The following HDAC4 variants were observed in gnomAD, a reference collection of about 807,000 sequenced individuals.
HDAC4 encodes histone deacetylase 4, also known as histone deacetylase A.
A neutral mutation model predicts 135.1 loss-of-function variants in HDAC4; 16 were observed. The ratio of observed to expected loss-of-function variants is 0.12; its 90% CI spans 0.08 to 0.18. HDAC4 has a LOEUF of 0.18. HDAC4 is among the 10% of genes least tolerant of loss of function. HDAC4 has a pLI of 1.00. For synonymous variants in HDAC4, 685 were observed against 653.4 expected (o/e 1.05, Z -0.74); for missense variants, 1,143 against 1,511.8 (o/e 0.76, Z 4.05).
chr2:239,119,823 C>T lies in HDAC4; in HGVS notation c.1534-4513G>A, dbSNP rs530577371. On this transcript the variant is annotated intron_variant, in intron 12 of 26. Transcript: ENST00000543185. Reference sequence around the variant, plus strand: ...GTGCCACAGGAAGGTGCTAATGAGTCAGCGCGAGGGCAGGGGAATGCCTGC... The same window carrying T: ...GTGCCACAGGAAGGTGCTAATGAGTTAGCGCGAGGGCAGGGGAATGCCTGC... 4.9e-4 allele frequency among the ~76,000 whole-genome samples: 74 copies of T among 152,302 alleles called. 1 individual carries two copies. The highest frequency in any genetic ancestry group is 1.7e-3 in the African/African-American group (72 of 41,560).
intron 1 of HDAC4, among the ~76,000 whole-genome samples, chr2:239,379,468 C>A (rs967842259): frequency 3.3e-5 from 5 of 152,184 alleles, no homozygotes; most frequent in African/African-American, 1.2e-4. Context: ...CAAGCACAGC[C>A]CCAGCCCAGC....
intron 17 of HDAC4, 107 bp from the exon 18 acceptor site, chr2:239,090,223 C>G (rs1341757986): frequency 1.2e-5 from 9 of 768,014 alleles, no homozygotes; most frequent in Middle Eastern, 4.5e-4. Context: ...TTCTGAAACC[C>G]CAGGGCCTAC....
At chr2:239,366,494 T>C (rs1033732760) in intron 1 of HDAC4, among the ~76,000 whole-genome samples, 3 of 152,016 alleles carry the variant, frequency 2.0e-5, no homozygotes, top group African/African-American at 7.3e-5. Context: ...AGCATAAGAG[T>C]GGATAAAGAT....
At chr2:239,288,739 T>C (rs2051289728) in intron 2 of HDAC4, among the ~76,000 whole-genome samples, 1 of 151,988 alleles carries the variant, frequency 6.6e-6, no homozygotes, top group African/African-American at 2.4e-5. Flanking sequence ...TAAATCTAAC[T>C]TGACACGTAC....
At chr2:239,100,408 C>T (rs1209711063) in intron 16 of HDAC4, among the ~76,000 whole-genome samples, 1 of 152,212 alleles carries the variant, frequency 6.6e-6, no homozygotes, top group Non-Finnish European at 1.5e-5. Flanking sequence ...TTTGTCTTCT[C>T]TGAACGTTCT....
intron 3 of HDAC4, among the ~76,000 whole-genome samples, chr2:239,229,391 C>G (rs2047416892): frequency 6.6e-6 from 1 of 152,136 alleles, no homozygotes; most frequent in South Asian, 2.1e-4. Context: ...TGATGGAGGG[C>G]AGTCAACAAA....
At chr2:239,332,786 T>C (rs1228064910) in intron 2 of HDAC4, among the ~76,000 whole-genome samples, 21 of 151,764 alleles carry the variant, frequency 1.4e-4, no homozygotes, top group Admixed American at 1.4e-3. Context: ...CAAACACAGT[T>C]CTTAAAAAAT....
At position 239,307,652 on chromosome 2, in the gene HDAC4, C is replaced by T. The variant is rs1035845807; in HGVS notation, c.22+45026G>A. Among the ~76,000 whole-genome samples, 2 of 152,200 alleles carry T rather than the reference C, an allele frequency of 1.3e-5. No individual in the cohort carries two copies. Among genetic ancestry groups the T allele is most frequent in the Non-Finnish European group, 1.5e-5 (1 of 68,038 alleles). Reference sequence around the variant, plus strand: ...AAACGACAACTCCTGCTCAAGAAAACGCATGCAAGAGAAGCCCTCCTCACT... The same window carrying T: ...AAACGACAACTCCTGCTCAAGAAAATGCATGCAAGAGAAGCCCTCCTCACT... On this transcript the variant is annotated intron_variant, in intron 2 of 26. Coordinates refer to ENST00000543185, the MANE Select transcript of HDAC4 (RefSeq NM_001378414.1). This position sits in a 1 kb window ranked among gnomAD's most constrained non-coding sequence, Gnocchi z 4.8.
At chr2:239,077,654 G>A (rs910177101) in intron 22 of HDAC4, among the ~76,000 whole-genome samples, 7 of 152,218 alleles carry the variant, frequency 4.6e-5, no homozygotes, top group Non-Finnish European at 8.8e-5. Flanking sequence ...AAGGTGGCAC[G>A]GTCTGTATGA....
At chr2:239,204,579 C>T (rs2045937313) in intron 3 of HDAC4, among the ~76,000 whole-genome samples, 1 of 152,180 alleles carries the variant, frequency 6.6e-6, no homozygotes, top group South Asian at 2.1e-4. Context: ...CTACGCTGGC[C>T]CAAGAACCCC....
At chr2:239,241,656 A>G (rs2048181449) in intron 2 of HDAC4, among the ~76,000 whole-genome samples, 1 of 152,212 alleles carries the variant, frequency 6.6e-6, no homozygotes, top group Non-Finnish European at 1.5e-5. Flanking sequence ...GAGATATTTT[A>G]ACATATTTTT....
At chr2:239,250,723 C>A (rs1468853422) in intron 2 of HDAC4, among the ~76,000 whole-genome samples, 3 of 152,226 alleles carry the variant, frequency 2.0e-5, no homozygotes, top group Non-Finnish European at 4.4e-5. Context: ...CCTGGGACCT[C>A]GACAGAAAGG....
At chr2:239,079,111 G>A (rs1434819456) in intron 22 of HDAC4, among the ~76,000 whole-genome samples, 1 of 152,192 alleles carries the variant, frequency 6.6e-6, no homozygotes, top group Non-Finnish European at 1.5e-5. Flanking sequence ...AACTAAGTGA[G>A]GGGCAACGGG....
In HDAC4 at chr2:239,240,466, G is replaced by C. The variant is rs1442631795; in HGVS notation, c.23-3802C>G. On this transcript the variant is annotated intron_variant, in intron 2 of 26. Transcript: ENST00000543185. This position sits in a 1 kb window ranked among gnomAD's most constrained non-coding sequence, Gnocchi z 4.5. ...TCTGGGCTGAAATTTCTCAGGCTGAGGAGAAAGCGGTGCTAAGAACCCAGC... is the reference window on the plus strand; with the variant it reads ...TCTGGGCTGAAATTTCTCAGGCTGACGAGAAAGCGGTGCTAAGAACCCAGC... 6.6e-6 allele frequency among the ~76,000 whole-genome samples: 1 copy of C among 152,238 alleles called. No individual in the cohort carries two copies. Among genetic ancestry groups the C allele is most frequent in the South Asian group, 2.1e-4 (1 of 4,834 alleles).
rs755048139 is a variant in HDAC4, at chr2:239,379,751, G to A, written c.-220+21227C>T. 1.2e-4 allele frequency among the ~76,000 whole-genome samples: 19 copies of A among 152,214 alleles called. 1 individual carries two copies. Among genetic ancestry groups the A allele is most frequent in the Admixed American group, 4.6e-4 (7 of 15,290 alleles). ...TTCTCCAAGCCCCCCATCGGCTGCCGGGGCCCCTTGCTCATCCTCTCCACT... is the reference window on the plus strand; with the variant it reads ...TTCTCCAAGCCCCCCATCGGCTGCCAGGGCCCCTTGCTCATCCTCTCCACT... On this transcript the variant is annotated intron_variant, in intron 1 of 26. Transcript: ENST00000543185.
chr2:239,166,412 C>T (rs3791522), intron 5 of HDAC4, among the ~76,000 whole-genome samples: 78,317 of 152,030 alleles, frequency 0.52, 20,909 homozygotes, highest in South Asian at 0.72. Context: ...GTGCCTGTGA[C>T]GTCCCCCAGC....
intron 11 of HDAC4, 26 bp downstream of exon 11, chr2:239,134,219 C>T: frequency 6.3e-7 from 1 of 1,590,294 alleles, no homozygotes; most frequent in Non-Finnish European, 8.6e-7. Context: ...CAGAGCCTGG[C>T]TGCACCCAGG....
intron 11 of HDAC4, among the ~76,000 whole-genome samples, chr2:239,130,548 G>GTGCCCTTCCCTC: frequency 1.5e-5 from 2 of 135,162 alleles, no homozygotes. Context: ...CCCTCCACCT[G>GTGCCCTTCCCTC]TCCTTAAGAC....
intron 1 of HDAC4, among the ~76,000 whole-genome samples, chr2:239,367,079 C>T (rs1486153015): frequency 6.6e-6 from 1 of 152,184 alleles, no homozygotes; most frequent in Admixed American, 6.5e-5. Context: ...GATCAGCCCC[C>T]AGGCCCCCAG....
Sources: gnomAD v4.1 joint callset for allele counts (sites outside exome capture counted in the v4.1 genomes callset) on GRCh38, gnomAD v4.1.1 for gene constraint, Gnocchi (gnomAD v3.1) non-coding constraint, MANE v1.5 for transcripts, NCBI Gene and HGNC (gene_info 2026-07-23, HGNC 2026-07-21) for gene names.